CACNA2D1: variants seen among roughly 807,000 people sequenced by gnomAD.
CACNA2D1 encodes calcium voltage-gated channel auxiliary subunit alpha2delta 1.
CACNA2D1 carries 53 observed loss-of-function variants against 171.5 expected under a neutral mutation model. That is an observed-to-expected ratio of 0.31 (90% CI 0.25 to 0.39). The LOEUF (loss-of-function observed/expected upper bound fraction) is 0.39, where lower values mean the gene tolerates loss of function less well. Among genes scored for constraint, CACNA2D1 ranks in the 10% least tolerant of loss-of-function variants. The pLI, the probability that CACNA2D1 is intolerant of heterozygous loss-of-function variation, is 1.00. For synonymous variants in CACNA2D1, 442 were observed against 443.1 expected (o/e 1.00, Z 0.03); for missense variants, 903 against 1,299.8 (o/e 0.69, Z 4.69).
rs181258626 is a variant in CACNA2D1, at chr7:82,104,244, T to C, written c.526+12800A>G. On this transcript the variant is annotated intron_variant, in intron 6 of 38. Transcript: ENST00000356860. The stretch of plus-strand genomic sequence containing the variant: ...TGAATGAAAAGAGGATGTTTATATG[T>C]ACACAGTTCCATGTTCAAGAACTTG... Among the ~76,000 whole-genome samples, 229 of 152,194 alleles carry C rather than the reference T, an allele frequency of 1.5e-3. 3 individuals are homozygous for C. The highest frequency in any genetic ancestry group is 0.015 in the East Asian group (76 of 5,186).
chr7:82,287,081 C>T (rs1250338740), intron 3 of CACNA2D1, among the ~76,000 whole-genome samples: 1 of 152,150 alleles, frequency 6.6e-6, no homozygotes, highest in African/African-American at 2.4e-5. Flanking sequence ...ACTGTCTTCA[C>T]ATTCTTTTTA....
chr7:82,297,247 A>C (rs1812414040), intron 3 of CACNA2D1, among the ~76,000 whole-genome samples: 1 of 146,840 alleles, frequency 6.8e-6, no homozygotes, highest in Non-Finnish European at 1.5e-5. Context: ...CCCTGTCTCA[A>C]AAAATAAACA....
At position 82,007,698 on chromosome 7, in the gene CACNA2D1, T is replaced by C. The variant is rs750059631; in HGVS notation, c.1421A>G (p.Glu474Gly). 2.5e-6 allele frequency: 4 copies of C among 1,585,628 alleles called. No individual in the cohort carries two copies. Among genetic ancestry groups the C allele is most frequent in the Non-Finnish European group, 3.5e-6 (4 of 1,154,554 alleles). ...TTTAACCTTTAAGTTTGTCTTATTT[T>C]CAAATTGGCCGGTTATGTTGAAGAC... ...LPVFNITGQF[E>G]NKTNLKNQLI... The change falls in exon 16 of 39, where the codon GAA becomes GGA. Residue 474 changes from glutamate to glycine, a missense_variant. Glu to Gly is a moderately conservative substitution (Grantham distance 98, BLOSUM62 -2). Around this residue, in one of 5 missense-constraint regions of CACNA2D1, gnomAD observed 623 missense variants for 925.5 expected, o/e 0.67. Coordinates refer to ENST00000356860, the MANE Select transcript of CACNA2D1 (RefSeq NM_000722.4).
At chr7:82,001,315 C>T (rs1484270428) in intron 18 of CACNA2D1, among the ~76,000 whole-genome samples, 1 of 152,084 alleles carries the variant, frequency 6.6e-6, no homozygotes, top group Non-Finnish European at 1.5e-5. Flanking sequence ...ACGTAGAAGT[C>T]AATTTACAAG....
chr7:82,099,419 CTTCTTTTTTTTTTTTTT>C (rs1812358105), intron 6 of CACNA2D1, among the ~76,000 whole-genome samples: 11 of 50,574 alleles, frequency 2.2e-4, no homozygotes, highest in Non-Finnish European at 3.6e-4. Context: ...GTAGCAATAC[CTTCTTTTTTTTTTTTTT>C]TTTTTTTTTT....
chr7:82,107,741 A>C (rs1787923968), intron 6 of CACNA2D1, among the ~76,000 whole-genome samples: 1 of 151,480 alleles, frequency 6.6e-6, no homozygotes, highest in Non-Finnish European at 1.5e-5. Context: ...ACATCACCAC[A>C]CCTGGCTAAG....
chr7:82,228,217 C>G (rs1381576495), intron 3 of CACNA2D1, among the ~76,000 whole-genome samples: 2 of 152,010 alleles, frequency 1.3e-5, no homozygotes, highest in Non-Finnish European at 2.9e-5. Context: ...TAGGCTTTCT[C>G]CTATTGACTT....
At chr7:82,430,260 A>G (rs1829560203) in intron 1 of CACNA2D1, among the ~76,000 whole-genome samples, 2 of 151,954 alleles carry the variant, frequency 1.3e-5, no homozygotes, top group Non-Finnish European at 2.9e-5. Flanking sequence ...TACTCAGAAT[A>G]TAAAAAAATT....
chr7:82,068,527 T>G (rs943639904), intron 7 of CACNA2D1, among the ~76,000 whole-genome samples: 1 of 152,068 alleles, frequency 6.6e-6, no homozygotes, highest in African/African-American at 2.4e-5. Flanking sequence ...CCTTTAGAGT[T>G]CTCTGTACTT....
At chr7:81,999,582 G>A (rs1271701768) in intron 18 of CACNA2D1, among the ~76,000 whole-genome samples, 1 of 152,050 alleles carries the variant, frequency 6.6e-6, no homozygotes, top group African/African-American at 2.4e-5. Context: ...GTGGTTGCTA[G>A]TTTGCCATTT....
chr7:82,317,494 C>T (rs1815265109), intron 3 of CACNA2D1, among the ~76,000 whole-genome samples: 1 of 152,146 alleles, frequency 6.6e-6, no homozygotes, highest in African/African-American at 2.4e-5. Flanking sequence ...TGTTTCAAAT[C>T]AGTGAGCATG....
intron 6 of CACNA2D1, among the ~76,000 whole-genome samples, chr7:82,110,158 T>C (rs1466654253): frequency 6.6e-6 from 1 of 152,230 alleles, no homozygotes; most frequent in East Asian, 1.9e-4. Context: ...TACAAAATTC[T>C]TCCTCCAGAA....
At chr7:81,977,254 G>T (rs1403589154) in intron 24 of CACNA2D1, among the ~76,000 whole-genome samples, 4 of 152,010 alleles carry the variant, frequency 2.6e-5, no homozygotes, top group African/African-American at 9.7e-5. Context: ...TGAGTTTTTA[G>T]CATGAAGGGG....
intron 4 of CACNA2D1, among the ~76,000 whole-genome samples, chr7:82,166,356 A>C: frequency 6.6e-6 from 1 of 152,072 alleles, no homozygotes; most frequent in East Asian, 1.9e-4. Flanking sequence ...TGTTTTATTT[A>C]CCGGCCAATT....
chr7:82,012,916 CTT>C (rs1220393131), intron 14 of CACNA2D1, among the ~76,000 whole-genome samples: 2 of 151,962 alleles, frequency 1.3e-5, no homozygotes, highest in East Asian at 1.9e-4. Flanking sequence ...TTTAAATTAA[CTT>C]AATTACTACA....
chr7:82,366,218 T>C (rs1325489327), intron 1 of CACNA2D1, among the ~76,000 whole-genome samples: 1 of 117,476 alleles, frequency 8.5e-6, no homozygotes, highest in Admixed American at 9.4e-5. Flanking sequence ...TTTATTCTAA[T>C]ATAATGTCAA....
At chr7:82,049,064 A>C (rs183359933) in intron 10 of CACNA2D1, among the ~76,000 whole-genome samples, 1 of 151,212 alleles carries the variant, frequency 6.6e-6, no homozygotes, top group African/African-American at 2.4e-5. Context: ...TGTACTTGTC[A>C]ACACCTTCTT....
rs369711318 is a variant in CACNA2D1 at position 82,011,840 on chromosome 7, C to CT, written c.1362+313dup. Among the ~76,000 whole-genome samples, 799 of 151,376 alleles carry CT rather than the reference C, an allele frequency of 5.3e-3. 8 individuals are homozygous for CT. The highest frequency in any genetic ancestry group is 0.015 in the African/African-American group (639 of 41,356). On this transcript the variant is annotated intron_variant, in intron 15 of 38. Coordinates refer to ENST00000356860, the MANE Select transcript of CACNA2D1 (RefSeq NM_000722.4). ...GATTCTAATTCACAAAGACTTTCAT[C>CT]TTTTTTTTTACATTAACAATTAAAA...
At chr7:82,122,964 G>T (rs1043072355) in intron 5 of CACNA2D1, among the ~76,000 whole-genome samples, 1 of 152,174 alleles carries the variant, frequency 6.6e-6, no homozygotes, top group African/African-American at 2.4e-5. Flanking sequence ...CTGAGGCAAA[G>T]ACTGGCTAAA....
Sources: gnomAD v4.1 joint callset for allele counts (sites outside exome capture counted in the v4.1 genomes callset) on GRCh38, gnomAD v4.1.1 for gene constraint, gnomAD v4.1.1 regional missense constraint, MANE v1.5 for transcripts, NCBI Gene and HGNC (gene_info 2026-07-23, HGNC 2026-07-21) for gene names.